The following MID1 variants were observed in gnomAD, a reference collection of about 807,000 sequenced individuals.
The protein encoded by MID1 is midline 1.
MID1 carries 7 observed loss-of-function variants against 40.4 expected under a neutral mutation model. The observed-to-expected ratio is 0.17, with a 90% CI of 0.10 to 0.33. The LOEUF (loss-of-function observed/expected upper bound fraction) is 0.33, where lower values mean the gene tolerates loss of function less well. Among genes scored for constraint, MID1 ranks in the 10% least tolerant of loss-of-function variants. The pLI, the probability that MID1 is intolerant of heterozygous loss-of-function variation, is 1.00. For missense variants in MID1, 367 were observed against 558.5 expected (o/e 0.66, Z 3.46); for synonymous variants, 229 against 221.2 (o/e 1.04, Z -0.31).
chrX:10,588,964 C>T (rs1278171763), intron 1 of MID1, among the ~76,000 whole-genome samples: 1 of 111,540 alleles, frequency 9.0e-6, no homozygotes, highest in Non-Finnish European at 1.9e-5. Flanking sequence ...TTCCTTAAAT[C>T]CTTTCTTGAA....
intron 1 of MID1, among the ~76,000 whole-genome samples, chrX:10,743,985 G>A (rs1455480691): frequency 9.0e-6 from 1 of 111,527 alleles, no homozygotes; most frequent in Non-Finnish European, 1.9e-5. Flanking sequence ...GAAGGCAGGG[G>A]TTCATTTCTT....
intron 7 of MID1, among the ~76,000 whole-genome samples, chrX:10,460,304 C>T (rs1403441630): frequency 9.0e-6 from 1 of 111,307 alleles, no homozygotes; most frequent in East Asian, 2.8e-4. Context: ...CAGGAGTGAA[C>T]CAAGCAGCGA....
chrX:10,601,269 T>C (rs1344234965), intron 1 of MID1, among the ~76,000 whole-genome samples: 1 of 112,161 alleles, frequency 8.9e-6, no homozygotes, highest in African/African-American at 3.2e-5. Context: ...AGAGCAGGGT[T>C]CTGCAAACTA....
At chrX:10,767,311 G>C (rs758596719) in intron 1 of MID1, among the ~76,000 whole-genome samples, 2 of 105,074 alleles carry the variant, frequency 1.9e-5, no homozygotes, top group African/African-American at 7.0e-5. Flanking sequence ...TTAGCCTTTT[G>C]ATTTCTTTCT....
intron 1 of MID1, among the ~76,000 whole-genome samples, chrX:10,633,491 A>G (rs1388887702): frequency 9.0e-6 from 1 of 110,796 alleles, no homozygotes; most frequent in Non-Finnish European, 1.9e-5. Flanking sequence ...TCTGTTGCCC[A>G]GGCTAGAGTG....
chrX:10,806,914 T>TAA (rs372083128), intron 1 of MID1, among the ~76,000 whole-genome samples: 65 of 111,208 alleles, frequency 5.8e-4, no homozygotes, highest in African/African-American at 2.0e-3. Flanking sequence ...TATTCAGAAT[T>TAA]AAAAAAAACA....
At chrX:10,567,673 G>C in intron 1 of MID1, 70 bp from the exon 2 acceptor site, 1 of 680,671 alleles carries the variant, frequency 1.5e-6, no homozygotes, top group Non-Finnish European at 2.3e-6. Flanking sequence ...AGCTTTGAAT[G>C]CATCTCAGAA....
At chrX:10,704,936 G>A (rs1386385544) in intron 1 of MID1, among the ~76,000 whole-genome samples, 4 of 109,048 alleles carry the variant, frequency 3.7e-5, no homozygotes, top group Admixed American at 9.9e-5. Context: ...GCTAATTTTT[G>A]TATTTTTAGT....
chrX:10,734,156 G>T (rs2043471575), intron 1 of MID1, among the ~76,000 whole-genome samples: 1 of 112,242 alleles, frequency 8.9e-6, no homozygotes, highest in South Asian at 3.7e-4. Flanking sequence ...ATCAATGGTA[G>T]ATTGGACAAA....
intron 7 of MID1, among the ~76,000 whole-genome samples, chrX:10,462,515 A>C (rs765943391): frequency 8.9e-6 from 1 of 111,949 alleles, no homozygotes; most frequent in South Asian, 3.7e-4. Context: ...TTGAAACTTC[A>C]CTTTTCTCCA....
intron 1 of MID1, among the ~76,000 whole-genome samples, chrX:10,601,784 G>A (rs978307120): frequency 8.9e-6 from 1 of 111,767 alleles, no homozygotes; most frequent in African/African-American, 3.2e-5. Context: ...TTGGGAATGG[G>A]GAAGAAGGAG....
intron 1 of MID1, among the ~76,000 whole-genome samples, chrX:10,645,163 C>A (rs1936249765): frequency 1.8e-5 from 2 of 111,474 alleles, no homozygotes; most frequent in South Asian, 7.6e-4. Flanking sequence ...CTGGGGCAAC[C>A]TATGTAACTT....
intron 3 of MID1, among the ~76,000 whole-genome samples, chrX:10,518,573 AAATCT>A (rs1932562420): frequency 9.0e-6 from 1 of 111,463 alleles, no homozygotes; most frequent in Non-Finnish European, 1.9e-5. Context: ...GAAGTTAAAA[AAATCT>A]TTGATGTGGA....
At chrX:10,623,736 T>C (rs1457226626), upstream of MID1, among the ~76,000 whole-genome samples, 1 of 111,549 alleles carries the variant, frequency 9.0e-6, no homozygotes, top group Non-Finnish European at 1.9e-5. Context: ...CAATTTCACA[T>C]AGGTTATTTT....
At chrX:10,562,331 C>T (rs986005489) in intron 2 of MID1, among the ~76,000 whole-genome samples, 6 of 85,220 alleles carry the variant, frequency 7.0e-5, no homozygotes, top group Non-Finnish European at 1.3e-4. Context: ...CACATGTATA[C>T]TTATGTAATA....
At chrX:10,672,073 A>T (rs774043787) in intron 1 of MID1, among the ~76,000 whole-genome samples, 1 of 110,638 alleles carries the variant, frequency 9.0e-6, no homozygotes, top group South Asian at 3.9e-4. Flanking sequence ...AAAAATACAA[A>T]AATTAGCTGA....
intron 3 of MID1, among the ~76,000 whole-genome samples, chrX:10,499,394 G>C (rs1013650323): frequency 1.8e-5 from 2 of 111,639 alleles, no homozygotes; most frequent in African/African-American, 6.5e-5. Flanking sequence ...TGTTTTGTGG[G>C]TTATCTTTGC....
rs374474895 is a variant in MID1 at position 10,727,784 on chromosome X, T to C, written c.-187+105770A>G. On this transcript the variant is annotated intron_variant, in intron 1 of 10. Transcript: ENST00000380785. Reference sequence around the variant, plus strand: ...ATGCTCAATTTGAGAACCACTGATCTAAAGAACCCTTGCAGGGGTGACTTC... The same window carrying C: ...ATGCTCAATTTGAGAACCACTGATCCAAAGAACCCTTGCAGGGGTGACTTC... Among the ~76,000 whole-genome samples the C allele has an allele frequency of 2.0e-4, 22 of 112,018 alleles. No individual in the cohort carries two copies. In the East Asian group the frequency reaches 5.1e-3, roughly 26 times the overall value.
intron 2 of MID1, among the ~76,000 whole-genome samples, chrX:10,527,789 A>T (rs1473026351): frequency 9.0e-6 from 1 of 111,579 alleles, no homozygotes; most frequent in Non-Finnish European, 1.9e-5. Flanking sequence ...AAAATCTCCC[A>T]CAGGGCGCAA....
Sources: allele counts gnomAD v4.1 joint callset (sites outside exome capture counted in the v4.1 genomes callset), GRCh38; gene constraint gnomAD v4.1.1; transcripts MANE v1.5; gene names NCBI Gene and HGNC (gene_info 2026-07-23, HGNC 2026-07-21).